The following LYRM4 variants were observed in gnomAD, a reference collection of about 807,000 sequenced individuals.
LYRM4 encodes the protein LYR motif containing 4.
LYRM4 carries 9 observed loss-of-function variants against 11.7 expected under a neutral mutation model. The ratio of observed to expected loss-of-function variants is 0.77; its 90% CI spans 0.46 to 1.34. The LOEUF is 1.34. LYRM4 is among the 40% of genes most tolerant of loss of function. The pLI is 0.00. For missense variants in LYRM4, 133 were observed against 112.5 expected (o/e 1.18, Z -0.82); for synonymous variants, 42 against 40.4 (o/e 1.04, Z -0.15).
intron 2 of LYRM4, among the ~76,000 whole-genome samples, chr6:5,179,119 C>T (rs1031940710): frequency 7.0e-6 from 1 of 143,176 alleles, no homozygotes; most frequent in African/African-American, 2.6e-5. Flanking sequence ...CCCTCAATAA[C>T]TCAAAGTCAG....
intron 2 of LYRM4, among the ~76,000 whole-genome samples, chr6:5,180,574 C>A (rs114115505): frequency 6.6e-6 from 1 of 152,150 alleles, no homozygotes; most frequent in Non-Finnish European, 1.5e-5. Context: ...TTCCTGTCTT[C>A]CCACTTTTCT....
the LYRM4 span, among the ~76,000 whole-genome samples, chr6:5,046,243 T>G: frequency 6.6e-6 from 1 of 152,060 alleles, no homozygotes; most frequent in Non-Finnish European, 1.5e-5. Flanking sequence ...GCCTCCTGGG[T>G]TCACGCCATT....
At chr6:5,069,051 A>G in the LYRM4 span, among the ~76,000 whole-genome samples, 2 of 142,456 alleles carry the variant, frequency 1.4e-5, no homozygotes, top group East Asian at 3.9e-4. Context: ...GTACAAGTTT[A>G]TTTGGTGCAA....
intron 1 of LYRM4, among the ~76,000 whole-genome samples, chr6:5,228,270 A>G (rs915006896): frequency 1.3e-5 from 2 of 152,140 alleles, no homozygotes; most frequent in Admixed American, 6.5e-5. Flanking sequence ...TCATTACACA[A>G]TAAGAAAGTC....
chr6:5,182,039 C>A (rs1239750696), intron 2 of LYRM4, among the ~76,000 whole-genome samples: 1 of 152,202 alleles, frequency 6.6e-6, no homozygotes, highest in East Asian at 1.9e-4. Flanking sequence ...AATCCCCAGA[C>A]ATACTTTGTA....
At chr6:5,190,060 C>T (rs12202208) in intron 2 of LYRM4, among the ~76,000 whole-genome samples, 2,664 of 152,226 alleles carry the variant, frequency 0.018, 42 homozygotes, top group Non-Finnish European at 0.03. Flanking sequence ...CCTCAAACAC[C>T]GCACAAAGGG....
At chr6:5,037,558 G>T in the LYRM4 span, among the ~76,000 whole-genome samples, 3 of 80,276 alleles carry the variant, frequency 3.7e-5, no homozygotes, top group South Asian at 4.9e-4. Context: ...GCCGGGCAGA[G>T]GGGCTCCTCA....
intron 1 of LYRM4, among the ~76,000 whole-genome samples, chr6:5,221,391 T>A (rs1762571751): frequency 6.6e-6 from 1 of 152,162 alleles, no homozygotes; most frequent in Non-Finnish European, 1.5e-5. Flanking sequence ...TTCCAGTGAA[T>A]ACATTCAAAA....
rs368277965 is a variant in LYRM4, at chr6:5,185,147, A to G, written c.207+31471T>C. Among the ~76,000 whole-genome samples, 327 of 152,290 alleles carry G rather than the reference A, an allele frequency of 2.1e-3. 2 individuals are homozygous for G. Among genetic ancestry groups the G allele is most frequent in the African/African-American group, 6.9e-3 (286 of 41,556 alleles). ...GAGGGTCGAGTCGCCCCTTGTTACC[A>G]TGAATCCCAATACCTGGGTGAAAGT... On this transcript the variant is annotated intron_variant, in intron 2 of 2. Coordinates refer to ENST00000330636, the MANE Select transcript of LYRM4 (RefSeq NM_020408.6).
chr6:5,218,652 G>A (rs1433359975), intron 1 of LYRM4, among the ~76,000 whole-genome samples: 2 of 152,174 alleles, frequency 1.3e-5, no homozygotes, highest in African/African-American at 4.8e-5. Flanking sequence ...GCTGCTGAGC[G>A]CTCAGTATCA....
chr6:5,119,286 CAA>C (rs1763293746), intron 2 of LYRM4, among the ~76,000 whole-genome samples: 1 of 152,094 alleles, frequency 6.6e-6, no homozygotes, highest in African/African-American at 2.4e-5. Flanking sequence ...CTTGTTGGGA[CAA>C]GAGAGAAACA....
At chr6:5,059,064 G>T in the LYRM4 span, among the ~76,000 whole-genome samples, 1 of 152,160 alleles carries the variant, frequency 6.6e-6, no homozygotes, top group Admixed American at 6.5e-5. Flanking sequence ...TATATGGCCA[G>T]GCATGGTGGC....
At chr6:5,186,017 C>T (rs532097119) in intron 2 of LYRM4, among the ~76,000 whole-genome samples, 1 of 152,196 alleles carries the variant, frequency 6.6e-6, no homozygotes, top group South Asian at 2.1e-4. Context: ...GACAAAGGCA[C>T]GCACATGTTT....
At chr6:5,179,065 C>CAAAACAAAAACAA (rs1561851701) in intron 2 of LYRM4, among the ~76,000 whole-genome samples, 2 of 103,904 alleles carry the variant, frequency 1.9e-5, no homozygotes, top group African/African-American at 8.0e-5. Flanking sequence ...ACCAAAAAAA[C>CAAAACAAAAACAA]AAAAAAAAAA....
At chr6:5,239,441 GA>G (rs1763738310) in intron 1 of LYRM4, among the ~76,000 whole-genome samples, 2 of 152,072 alleles carry the variant, frequency 1.3e-5, no homozygotes, top group Admixed American at 1.3e-4. Context: ...AGGACAAATG[GA>G]GGGGAATCAC....
the LYRM4 span, among the ~76,000 whole-genome samples, chr6:5,057,303 G>A: frequency 1.3e-5 from 2 of 152,128 alleles, no homozygotes; most frequent in African/African-American, 4.8e-5. Context: ...TGAAGGGGGA[G>A]CTCAAGGCCT....
chr6:5,242,672 T>A (rs560882757), intron 1 of LYRM4, among the ~76,000 whole-genome samples: 1 of 150,940 alleles, frequency 6.6e-6, no homozygotes, highest in South Asian at 2.1e-4. Flanking sequence ...TGAGCCAAGA[T>A]CATTCCATTG....
At chr6:5,058,463 CAGAG>C in the LYRM4 span, among the ~76,000 whole-genome samples, 4 of 152,228 alleles carry the variant, frequency 2.6e-5, no homozygotes, top group African/African-American at 9.6e-5. Context: ...CACAGGGCCA[CAGAG>C]AGTTGACCTG....
chr6:5,139,120 T>A (rs1406012555), intron 2 of LYRM4, among the ~76,000 whole-genome samples: 1 of 152,224 alleles, frequency 6.6e-6, no homozygotes, highest in Non-Finnish European at 1.5e-5. Context: ...GGTTTTGACA[T>A]CTCTGCGGTA....
Sources: allele counts gnomAD v4.1 joint callset (sites outside exome capture counted in the v4.1 genomes callset), GRCh38; gene constraint gnomAD v4.1.1; transcripts MANE v1.5; gene names NCBI Gene and HGNC (gene_info 2026-07-23, HGNC 2026-07-21).